The following ADGRE3 variants were observed in gnomAD, a reference collection of about 807,000 sequenced individuals.
The protein encoded by ADGRE3 is EGF-like module receptor 3.
A neutral mutation model predicts 80.1 loss-of-function variants in ADGRE3; 88 were observed. The ratio of observed to expected loss-of-function variants is 1.10; its 90% CI spans 0.93 to 1.31. ADGRE3 has a LOEUF of 1.31. Ranked by LOEUF, ADGRE3 falls within the 40% of genes most tolerant of loss-of-function variation. The probability of loss-of-function intolerance (pLI) is 0.00; values close to 1 mark genes in which losing one functional copy is unlikely to be tolerated. For synonymous variants in ADGRE3, 281 were observed against 294.8 expected (o/e 0.95, Z 0.48); for missense variants, 715 against 776.5 (o/e 0.92, Z 0.94).
chr19:14,624,747 C>T (rs557605042), intron 15 of ADGRE3, among the ~76,000 whole-genome samples: 1 of 149,212 alleles, frequency 6.7e-6, no homozygotes, highest in East Asian at 2.0e-4. Context: ...AGAGCAAGAC[C>T]CTGTCTCTTA....
At chr19:14,602,198 A>G in the ADGRE3 span, among the ~76,000 whole-genome samples, 2 of 151,576 alleles carry the variant, frequency 1.3e-5, no homozygotes, top group Non-Finnish European at 2.9e-5. Context: ...TATATTTAAA[A>G]TGTTTTTTTT....
At chr19:14,620,566 A>ATTTTTT (rs1568471671) in intron 15 of ADGRE3, among the ~76,000 whole-genome samples, 2 of 16,052 alleles carry the variant, frequency 1.2e-4, no homozygotes, top group East Asian at 3.9e-3. Flanking sequence ...ATATATATAT[A>ATTTTTT]TATTTTTTTT....
At chr19:14,650,642 TCTC>T (rs1971574838) in intron 7 of ADGRE3, among the ~76,000 whole-genome samples, 4 of 87,378 alleles carry the variant, frequency 4.6e-5, no homozygotes, top group African/African-American at 1.3e-4. Context: ...TCTCTCTCTC[TCTC>T]TCTCTCTCTC....
intron 3 of ADGRE3, among the ~76,000 whole-genome samples, chr19:14,662,996 C>G (rs1249116826): frequency 6.6e-6 from 1 of 151,100 alleles, no homozygotes; most frequent in Admixed American, 6.6e-5. Context: ...GAGTTGGAGG[C>G]TGCAGTGAGT....
intron 4 of ADGRE3, 93 bp downstream of exon 4, chr19:14,661,870 G>A: frequency 1.4e-6 from 2 of 1,392,174 alleles, no homozygotes; most frequent in South Asian, 1.3e-5. Flanking sequence ...GGGCTACAGA[G>A]CGAGACTCTG....
At chr19:14,649,962 C>T (rs1436030644) in intron 7 of ADGRE3, among the ~76,000 whole-genome samples, 1 of 107,476 alleles carries the variant, frequency 9.3e-6, no homozygotes, top group Non-Finnish European at 1.9e-5. Context: ...CCCCATCTCT[C>T]TCTTTCAATC....
chr19:14,674,102 A>C (rs1324877253), intron 1 of ADGRE3, among the ~76,000 whole-genome samples: 1 of 152,174 alleles, frequency 6.6e-6, no homozygotes, highest in African/African-American at 2.4e-5. Flanking sequence ...AAAGAATAGC[A>C]AGAGAAAAAG....
Position 14,638,348 on chromosome 19 carries a change from AGGAGAAAGGGATGCCTGAAGG to A in ADGRE3, c.1249-29_1249-9del. On this transcript the variant is annotated splice_polypyrimidine_tract_variant and intron_variant, in intron 10 of 15. Transcript: ENST00000253673. ...GATGATGGAGCACAGCACCTGGGGG[AGGAGAAAGGGATGCCTGAAGG>A]GGTTGTCAGGGTGGAGTATGGCCCT... The A allele has an allele frequency of 6.2e-7, 1 of 1,610,080 alleles. No homozygotes were observed. The highest frequency in any genetic ancestry group is 8.5e-7 in the Non-Finnish European group (1 of 1,176,554).
In ADGRE3 at chr19:14,645,743, G is replaced by A. The variant is rs533717424; in HGVS notation, c.882+1438C>T. Among the ~76,000 whole-genome samples the A allele has an allele frequency of 2.4e-4, 36 of 152,178 alleles. No individual in the cohort carries two copies. The South Asian group carries it at 6.0e-3, about 25-fold the overall frequency. ...TTTCAGGGTTTTAAGAAGCTGAGGT[G>A]GGAGGGTTGCTTGAGGCCAGGAGTT... On this transcript the variant is annotated intron_variant, in intron 8 of 15. Coordinates refer to ENST00000253673, the MANE Select transcript of ADGRE3 (RefSeq NM_032571.5).
intron 4 of ADGRE3, among the ~76,000 whole-genome samples, 158 bp from the exon 5 acceptor site, chr19:14,658,708 T>A (rs1331060032): frequency 3.3e-5 from 5 of 151,980 alleles, no homozygotes; most frequent in Admixed American, 2.0e-4. Context: ...TTTTAAAAAA[T>A]TTTAAATTTT....
chr19:14,642,441 T>G (rs1306730554), intron 9 of ADGRE3, among the ~76,000 whole-genome samples: 1 of 152,240 alleles, frequency 6.6e-6, no homozygotes, highest in East Asian at 1.9e-4. Context: ...TTTAAAAAAC[T>G]TTTTTAAGTT....
intron 9 of ADGRE3, 88 bp downstream of exon 9, chr19:14,644,020 T>G (rs1278405157): frequency 2.9e-4 from 2 of 6,830 alleles, no homozygotes; most frequent in Admixed American, 4.4e-3. Context: ...CTTTTTTCAG[T>G]TTTTTTTTTT....
chr19:14,600,746 T>A, the ADGRE3 span, among the ~76,000 whole-genome samples: 31 of 151,556 alleles, frequency 2.0e-4, no homozygotes, highest in Middle Eastern at 3.4e-3. Context: ...CACGCCCGGC[T>A]AATTTTGTTT....
At chr19:14,600,891 C>CTTTTTTT in the ADGRE3 span, among the ~76,000 whole-genome samples, 1 of 63,220 alleles carries the variant, frequency 1.6e-5, no homozygotes, top group Non-Finnish European at 3.0e-5. Flanking sequence ...GCTCGGCCTT[C>CTTTTTTT]TTTTTTTTTT....
chr19:14,607,600 CGGA>C, the ADGRE3 span, among the ~76,000 whole-genome samples: 2 of 148,500 alleles, frequency 1.3e-5, no homozygotes, highest in African/African-American at 5.0e-5. Flanking sequence ...TTCTTTGAGA[CGGA>C]GTCTCGCTGT....
At chr19:14,657,197 C>T (rs1381565527) in intron 5 of ADGRE3, among the ~76,000 whole-genome samples, 4 of 152,138 alleles carry the variant, frequency 2.6e-5, no homozygotes, top group East Asian at 3.9e-4. Context: ...GGCCTGATTA[C>T]TTGATTCTTT....
chr19:14,665,880 T>C (rs986976819), intron 2 of ADGRE3, among the ~76,000 whole-genome samples: 10 of 144,098 alleles, frequency 6.9e-5, no homozygotes, highest in South Asian at 4.2e-4. Flanking sequence ...TATATAATTA[T>C]ATAAGATATA....
At chr19:14,636,058 T>TTCCTTCCTTCCC (rs1449287126) in intron 11 of ADGRE3, among the ~76,000 whole-genome samples, 4 of 22,454 alleles carry the variant, frequency 1.8e-4, no homozygotes, top group African/African-American at 3.5e-4. Flanking sequence ...CCTTCCTTCC[T>TTCCTTCCTTCCC]TCCTTTCCTT....
chr19:14,609,992 T>C, the ADGRE3 span: 4 of 1,120,496 alleles, frequency 3.6e-6, no homozygotes, highest in Non-Finnish European at 5.4e-6. Context: ...TATTCATCAT[T>C]ACAGTATTAT....
Sources: allele counts gnomAD v4.1 joint callset (sites outside exome capture counted in the v4.1 genomes callset), GRCh38; gene constraint gnomAD v4.1.1; transcripts MANE v1.5; gene names NCBI Gene and HGNC (gene_info 2026-07-23, HGNC 2026-07-21).